MYH1: variants seen among roughly 807,000 people sequenced by gnomAD.
MYH1 encodes myosin-1.
Under a neutral mutation model 225.6 loss-of-function variants are expected in MYH1, and 214 were observed. That is an observed-to-expected ratio of 0.95 (90% confidence interval 0.85 to 1.06). The LOEUF (loss-of-function observed/expected upper bound fraction) is 1.06, where lower values mean the gene tolerates loss of function less well. MYH1 is among the 50% of genes least tolerant of loss of function. The pLI, the probability that MYH1 is intolerant of heterozygous loss-of-function variation, is 0.00. For missense variants in MYH1, 2,098 were observed against 2,344.2 expected, an observed-to-expected ratio of 0.89 and a Z score of 2.17; for synonymous variants, 774 against 842.3, an observed-to-expected ratio of 0.92 and a Z score of 1.40.
intron 3 of MYH1, 38 bp from the exon 4 acceptor site, chr17:10,516,380 A>T: frequency 1.2e-6 from 2 of 1,614,112 alleles, no homozygotes; most frequent in Non-Finnish European, 1.7e-6. Flanking sequence ...TCAAAAAGTA[A>T]GTGCTAACTT....
intron 22 of MYH1, among the ~76,000 whole-genome samples, chr17:10,503,796 G>A (rs373055098): frequency 2.0e-5 from 3 of 152,140 alleles, no homozygotes; most frequent in Non-Finnish European, 2.9e-5. Flanking sequence ...ATCCCTGTCC[G>A]GGACTTCACC....
At position 10,512,060 on chromosome 17, in the gene MYH1, G is replaced by A; in HGVS notation, c.1266+14C>T. The A allele has an allele frequency of 1.2e-6, 2 of 1,613,898 alleles. No individual in the cohort carries two copies. Among genetic ancestry groups the A allele is most frequent in the East Asian group, 2.2e-5 (1 of 44,884 alleles). The stretch of plus-strand genomic sequence containing the variant: ...GCCTGGGATGTGTGTGATTCATTGA[G>A]GTCATGCACTTACCTGCTGCACAGT... On this transcript the variant is annotated intron_variant, in intron 13 of 39. Coordinates refer to ENST00000226207, the MANE Select transcript of MYH1 (RefSeq NM_005963.4).
In MYH1 at chr17:10,501,766, T is replaced by C. The variant is rs756153366; in HGVS notation, c.3257A>G (p.Lys1086Arg). The C allele has an allele frequency of 6.2e-7, 1 of 1,613,836 alleles. No individual in the cohort carries two copies. The highest frequency in any genetic ancestry group is 8.5e-7 in the Non-Finnish European group (1 of 1,179,926). Residue 1086 changes from lysine (K) to arginine (R), a missense_variant and splice_region_variant, in exon 25 of 40, where the codon AAG (lysine) becomes AGG (arginine). By Grantham distance (26) the Lys-to-Arg change is conservative (BLOSUM62 2). Transcript: ENST00000226207. Reference protein sequence around the residue: ...DKQQLDEKLKKKEFEMSGLQS... With the variant: ...DKQQLDEKLKRKEFEMSGLQS... ...AAACTGTTGACCTAAAACTGCTTAC[T>C]TTTTAAGCTTTTCATCAAGTTGTTG...
chr17:10,511,920 G>A lies in MYH1; in HGVS notation c.1335C>T (p.Arg445=). Residue 445 remains arginine, a synonymous_variant, in exon 14 of 40, where the codon CGC becomes CGT. Coordinates refer to ENST00000226207, the MANE Select transcript of MYH1 (RefSeq NM_005963.4). ...YDKMFLWMVT[R]INQQLDTKQP... ...GCTTGGTGTCCAGCTGCTGGTTGATGCGGGTGACCATCCACAAGAACATCT... is the reference window on the plus strand; with the variant it reads ...GCTTGGTGTCCAGCTGCTGGTTGATACGGGTGACCATCCACAAGAACATCT... The A allele has an allele frequency of 2.5e-6, 4 of 1,614,232 alleles. No homozygotes were observed. The highest frequency in any genetic ancestry group is 3.4e-6 in the Non-Finnish European group (4 of 1,180,040).
chr17:10,506,031 G>A lies in MYH1; in HGVS notation c.2037C>T (p.Pro679=). Residue 679 remains proline (P), a synonymous_variant, in exon 18 of 40, where the codon CCC becomes CCT. Coordinates refer to ENST00000226207, the MANE Select transcript of MYH1 (RefSeq NM_005963.4). ...THPHFVRCII[P]NETKTPGAME... is the part of the protein sequence containing the mutation. Reference sequence around the variant, plus strand: ...TCTTACCAGGAGTTTTAGTTTCATTGGGGATGATGCACCGCACAAAGTGGG... The same window carrying A: ...TCTTACCAGGAGTTTTAGTTTCATTAGGGATGATGCACCGCACAAAGTGGG... 4 of 1,614,152 alleles carry A rather than the reference G, an allele frequency of 2.5e-6. No individual in the cohort carries two copies. Among genetic ancestry groups the A allele is most frequent in the South Asian group, 1.1e-5 (1 of 91,082 alleles).
At position 10,505,400 on chromosome 17, in the gene MYH1, A is replaced by T; in HGVS notation, c.2286T>A (p.Phe762Leu). 1 of 1,614,248 alleles carries T rather than the reference A, an allele frequency of 6.2e-7. No individual in the cohort carries two copies. Among genetic ancestry groups the T allele is most frequent in the Non-Finnish European group, 8.5e-7 (1 of 1,180,046 alleles). The change falls in exon 20 of 40, where the codon TTT becomes TTA. Residue 762 changes from phenylalanine (F) to leucine (L), a missense_variant. Phe to Leu is a conservative substitution (Grantham distance 22). Transcript: ENST00000226207. ...TACAGAATATTACCTTGGTGTGACC[A>T]AATTTATACTGGGTGTGGTCAATGT... ...SIDIDHTQYK[F>L]GHTKVFFKAG...
chr17:10,495,906 T>TTTTC, intron 35 of MYH1, 44 bp downstream of exon 35: 1 of 1,609,714 alleles, frequency 6.2e-7, no homozygotes, highest in Non-Finnish European at 8.5e-7. Flanking sequence ...AAGAATGTCA[T>TTTTC]TTTCATACCC....
chr17:10,510,019 G>A (rs1045262136), intron 14 of MYH1, among the ~76,000 whole-genome samples: 1 of 152,174 alleles, frequency 6.6e-6, no homozygotes. Context: ...ACACACTGGG[G>A]CCTATTGGAG....
intron 26 of MYH1, 41 bp from the exon 27 acceptor site, chr17:10,501,540 G>C: frequency 6.2e-7 from 1 of 1,614,172 alleles, no homozygotes; most frequent in Non-Finnish European, 8.5e-7. Context: ...TCAACTTCTT[G>C]GTGTCAGTAA....
At chr17:10,499,757 C>T (rs1412181398) in intron 28 of MYH1, among the ~76,000 whole-genome samples, 1 of 152,152 alleles carries the variant, frequency 6.6e-6, no homozygotes, top group Non-Finnish European at 1.5e-5. Flanking sequence ...AACTTTATCT[C>T]TGGCATTTAA....
At chr17:10,503,416 A>C (rs1035206388) in intron 22 of MYH1, among the ~76,000 whole-genome samples, 168 bp from the exon 23 acceptor site, 1 of 152,224 alleles carries the variant, frequency 6.6e-6, no homozygotes, top group Non-Finnish European at 1.5e-5. Flanking sequence ...CCGGTAATAA[A>C]AAAAGGAACT....
intron 2 of MYH1, among the ~76,000 whole-genome samples, chr17:10,517,088 G>A (rs2073236970): frequency 6.6e-6 from 1 of 152,182 alleles, no homozygotes; most frequent in Admixed American, 6.5e-5. Context: ...CAGGCAGGGA[G>A]CACTCTTCTT....
intron 19 of MYH1, 36 bp from the exon 20 acceptor site, chr17:10,505,547 G>A (rs776099631): frequency 8.7e-6 from 14 of 1,605,886 alleles, no homozygotes; most frequent in Non-Finnish European, 1.1e-5. Flanking sequence ...TATGGCTGTT[G>A]CCACAGACAA....
chr17:10,498,131 G>A (rs2073015328), intron 30 of MYH1, among the ~76,000 whole-genome samples: 1 of 152,204 alleles, frequency 6.6e-6, no homozygotes, highest in South Asian at 2.1e-4. Context: ...TTCATAGAGT[G>A]GCTTTAAGGC....
chr17:10,509,426 G>T (rs1361061576), intron 15 of MYH1, 59 bp downstream of exon 15: 1 of 1,603,652 alleles, frequency 6.2e-7, no homozygotes, highest in Non-Finnish European at 8.5e-7. Flanking sequence ...AAGATTTTAT[G>T]ATTTTCTTTT....
Position 10,496,128 on chromosome 17 carries a change from G to T in MYH1, c.4991C>A (p.Ala1664Asp), listed in dbSNP as rs1322318142. ...LKDTQLHLDD[A>D]LRSQEDLKEQ... ...CTTCAGGTCCTCCTGGCTCCGGAGA[G>T]CATCATCCAGGTGGAGCTGGGTATC... Residue 1664 changes from alanine (A) to aspartate (D), a missense_variant, in exon 35 of 40, where the codon GCT becomes GAT. Ala to Asp is a moderately radical substitution (Grantham distance 126). Transcript: ENST00000226207. 6.2e-7 allele frequency: 1 copy of T among 1,614,180 alleles called. No homozygotes were observed. The highest frequency in any genetic ancestry group is 8.5e-7 in the Non-Finnish European group (1 of 1,180,038).
At position 10,492,308 on chromosome 17, in the gene MYH1, T is replaced by C; in HGVS notation, c.*108A>G. 1 of 1,353,628 alleles carries C rather than the reference T, an allele frequency of 7.4e-7. No homozygotes were observed. The highest frequency in any genetic ancestry group is 1.3e-5 in the South Asian group (1 of 76,002). The allele number at this position is 1,353,628 out of a possible 1,614,324, so 83.9% of individuals were successfully genotyped here. ...AGAGGGGAAAAAGAGACTCACAAGT[T>C]TTTGGCAGATAAATTTTTTATCTCC... On this transcript the variant is annotated 3_prime_UTR_variant, in exon 40 of 40. Coordinates refer to ENST00000226207, the MANE Select transcript of MYH1 (RefSeq NM_005963.4).
At chr17:10,492,761 G>A (rs1346598856) in intron 39 of MYH1, among the ~76,000 whole-genome samples, 193 bp from the exon 40 acceptor site, 1 of 151,846 alleles carries the variant, frequency 6.6e-6, no homozygotes, top group Non-Finnish European at 1.5e-5. Context: ...AGATAACAAG[G>A]AAGGACAGGT....
intron 6 of MYH1, 121 bp downstream of exon 6, chr17:10,514,747 A>T: frequency 1.2e-6 from 1 of 853,610 alleles, no homozygotes; most frequent in Non-Finnish European, 2.0e-6. Context: ...CTAAACCAAT[A>T]TCTAGTTCCA....
Sources: allele counts gnomAD v4.1 joint callset (sites outside exome capture counted in the v4.1 genomes callset), GRCh38; gene constraint gnomAD v4.1.1; transcripts MANE v1.5; gene names NCBI Gene and HGNC (gene_info 2026-07-23, HGNC 2026-07-21).